PCDH15: variants seen among roughly 807,000 people sequenced by gnomAD.
The protein encoded by PCDH15 is protocadherin-15.
In PCDH15, 129 loss-of-function variants were observed where a neutral mutation model predicts 178.5. That is an observed-to-expected ratio of 0.72 (90% CI 0.63 to 0.84). The LOEUF is 0.84. Ranked by LOEUF, PCDH15 falls within the 40% of genes least tolerant of loss-of-function variation. PCDH15 has a pLI of 0.00. For missense variants in PCDH15, 2,230 were observed against 2,099.9 expected (o/e 1.06, Z -1.21); for synonymous variants, 800 against 732.0 (o/e 1.09, Z -1.50).
At chr10:55,541,096 G>A (rs1841749944) in intron 2 of PCDH15, among the ~76,000 whole-genome samples, 1 of 151,978 alleles carries the variant, frequency 6.6e-6, no homozygotes, top group Admixed American at 6.6e-5. Context: ...ACAGTGTAAC[G>A]TTTAGAAACA....
chr10:54,126,070 CCATT>C (rs2132951507), intron 15 of PCDH15, among the ~76,000 whole-genome samples: 2 of 127,258 alleles, frequency 1.6e-5, no homozygotes, highest in African/African-American at 6.3e-5. Flanking sequence ...AAAAGAATTA[CCATT>C]TTTTTTTTTT....
intron 8 of PCDH15, among the ~76,000 whole-genome samples, chr10:54,315,687 T>C (rs1250094021): frequency 1.4e-5 from 2 of 145,648 alleles, no homozygotes; most frequent in Non-Finnish European, 3.0e-5. Flanking sequence ...CTTTAATCCA[T>C]CTTGAGTTGA....
Position 55,343,304 on chromosome 10 carries a change from T to C in PCDH15, c.-155-176653A>G, listed in dbSNP as rs528607155. 1.4e-4 allele frequency among the ~76,000 whole-genome samples: 21 copies of C among 152,252 alleles called. No homozygotes were observed. The South Asian group carries it at 4.1e-3, about 30-fold the overall frequency. On this transcript the variant is annotated intron_variant, in intron 2 of 5. Coordinates refer to the PCDH15 transcript ENST00000613346. ...ATTGTGAAAAACAGAGATATATGTATGCTATCAAAAACAAAAACCAACTTT... is the reference window on the plus strand; with the variant it reads ...ATTGTGAAAAACAGAGATATATGTACGCTATCAAAAACAAAAACCAACTTT...
At chr10:54,077,321 G>A (rs1019912537) in intron 17 of PCDH15, among the ~76,000 whole-genome samples, 1 of 152,074 alleles carries the variant, frequency 6.6e-6, no homozygotes, top group Non-Finnish European at 1.5e-5. Context: ...ACTGAACAAT[G>A]AACTAGAAAG....
At chr10:55,601,857 T>A (rs1228689705) in intron 2 of PCDH15, among the ~76,000 whole-genome samples, 1 of 152,046 alleles carries the variant, frequency 6.6e-6, no homozygotes, top group Non-Finnish European at 1.5e-5. Flanking sequence ...ATAATTAAGT[T>A]ATAAAATACA....
intron 33 of PCDH15, chr10:53,818,429 T>C (rs2076141372): frequency 6.5e-6 from 1 of 153,484 alleles, no homozygotes; most frequent in Non-Finnish European, 1.5e-5. Context: ...GTAATAAACA[T>C]AGGATGAAAA....
intron 2 of PCDH15, among the ~76,000 whole-genome samples, chr10:54,573,258 A>G (rs932999350): frequency 3.9e-5 from 6 of 152,152 alleles, no homozygotes; most frequent in African/African-American, 1.4e-4. Context: ...GTTTAGTAAA[A>G]AACAATATGT....
At chr10:54,072,932 T>C (rs7893675) in intron 17 of PCDH15, among the ~76,000 whole-genome samples, 55,558 of 152,060 alleles carry the variant, frequency 0.37, 11,155 homozygotes, top group Middle Eastern at 0.52. Context: ...TGAGTATTTA[T>C]ATTGTCTTAA....
intron 5 of PCDH15, among the ~76,000 whole-genome samples, chr10:54,366,677 AT>A (rs199665450): frequency 9.1e-4 from 90 of 99,012 alleles, no homozygotes; most frequent in Admixed American, 8.2e-4. Context: ...CTAAATTTCT[AT>A]TTTTTTTTTG....
At chr10:54,653,687 A>G (rs1303365102) in intron 2 of PCDH15, among the ~76,000 whole-genome samples, 1 of 152,178 alleles carries the variant, frequency 6.6e-6, no homozygotes, top group Non-Finnish European at 1.5e-5. Flanking sequence ...ATTGCTGCAA[A>G]CGGATACACA....
chr10:55,207,061 A>T (rs1333162138), intron 1 of PCDH15, among the ~76,000 whole-genome samples: 1 of 151,982 alleles, frequency 6.6e-6, no homozygotes, highest in Non-Finnish European at 1.5e-5. Flanking sequence ...CACCCTTCTA[A>T]CCCAAGAATC....
At chr10:54,032,622 GAAAAT>G (rs1174985515) in intron 18 of PCDH15, among the ~76,000 whole-genome samples, 1 of 151,962 alleles carries the variant, frequency 6.6e-6, no homozygotes, top group African/African-American at 2.4e-5. Flanking sequence ...AGAAATATAA[GAAAAT>G]AAGACACATT....
rs930851239 is a variant in PCDH15, at chr10:54,293,734, T to C, written c.876+23537A>G. On this transcript the variant is annotated intron_variant, in intron 8 of 37. Transcript: ENST00000644397. ...ATGAAAAAATGCTCATCATCACTGG[T>C]CACCAGAGAAATGCAAATCAAAACC... 1.5e-3 allele frequency among the ~76,000 whole-genome samples: 226 copies of C among 152,230 alleles called. 1 individual carries two copies. Among genetic ancestry groups the C allele is most frequent in the African/African-American group, 3.2e-3 (131 of 41,552 alleles).
intron 7 of PCDH15, among the ~76,000 whole-genome samples, chr10:54,325,407 T>C (rs1937721742): frequency 1.3e-5 from 2 of 152,098 alleles, no homozygotes; most frequent in East Asian, 1.9e-4. Context: ...AGATAATATA[T>C]TGGTGCTTAA....
chr10:55,014,840 T>A (rs909814846), intron 2 of PCDH15, among the ~76,000 whole-genome samples: 3 of 152,216 alleles, frequency 2.0e-5, no homozygotes, highest in African/African-American at 7.2e-5. Flanking sequence ...CTATATAAAA[T>A]GTTTCTTTTA....
intron 3 of PCDH15, among the ~76,000 whole-genome samples, chr10:54,849,150 TGTA>T (rs1953565949): frequency 6.6e-6 from 1 of 152,196 alleles, no homozygotes; most frequent in Admixed American, 6.5e-5. Flanking sequence ...CAGTTAAATT[TGTA>T]GTAAAGCTTA....
intron 3 of PCDH15, among the ~76,000 whole-genome samples, chr10:54,879,228 A>T (rs1391591051): frequency 6.6e-6 from 1 of 150,928 alleles, no homozygotes; most frequent in Non-Finnish European, 1.5e-5. Flanking sequence ...GTGTGCTTGT[A>T]TGTGTGTGTG....
At chr10:54,809,782 CA>C (rs985861529) in intron 3 of PCDH15, among the ~76,000 whole-genome samples, 3 of 151,046 alleles carry the variant, frequency 2.0e-5, no homozygotes, top group South Asian at 2.1e-4. Context: ...AGACAAAGAA[CA>C]AAAAAAAACT....
intron 2 of PCDH15, chr10:54,608,092 G>A (rs369116112): frequency 5.1e-6 from 2 of 395,824 alleles, no homozygotes; most frequent in East Asian, 9.1e-5. Flanking sequence ...AAGTGATAGA[G>A]CCAAAAAGAG....
Sources: allele counts gnomAD v4.1 joint callset (sites outside exome capture counted in the v4.1 genomes callset), GRCh38; gene constraint gnomAD v4.1.1; transcripts MANE v1.5; gene names NCBI Gene and HGNC (gene_info 2026-07-23, HGNC 2026-07-21).